The following ZHX3 variants were observed in gnomAD, a reference collection of about 807,000 sequenced individuals.
ZHX3 encodes the protein zinc fingers and homeoboxes 3.
A neutral mutation model predicts 64.5 loss-of-function variants in ZHX3; 20 were observed. That is an observed-to-expected ratio of 0.31 (90% confidence interval 0.22 to 0.45). ZHX3 has a LOEUF of 0.45. Among genes scored for constraint, ZHX3 ranks in the 20% least tolerant of loss-of-function variants. ZHX3 has a pLI of 1.00. For synonymous variants in ZHX3, 423 were observed against 461.6 expected, an observed-to-expected ratio of 0.92 and a Z score of 1.07; for missense variants, 1,041 against 1,195.8, an observed-to-expected ratio of 0.87 and a Z score of 1.91.
At chr20:41,214,151 T>C (rs1456234604) in intron 2 of ZHX3, among the ~76,000 whole-genome samples, 1 of 152,164 alleles carries the variant, frequency 6.6e-6, no homozygotes, top group Non-Finnish European at 1.5e-5. Flanking sequence ...GTACCACTGC[T>C]AACCATGTTC....
chr20:41,239,720 G>A (rs1395015420), intron 2 of ZHX3: 4 of 152,190 alleles, frequency 2.6e-5, no homozygotes, highest in Admixed American at 2.6e-4. Context: ...GAGGGAGGGA[G>A]AAGAGACATT....
chr20:41,313,223 C>T (rs1299682745), intron 1 of ZHX3, among the ~76,000 whole-genome samples: 5 of 152,024 alleles, frequency 3.3e-5, no homozygotes, highest in African/African-American at 9.7e-5. Flanking sequence ...ATACAAATTT[C>T]GAAGCTTGAG....
At chr20:41,305,919 T>C (rs1214099003) in intron 1 of ZHX3, among the ~76,000 whole-genome samples, 1 of 152,206 alleles carries the variant, frequency 6.6e-6, no homozygotes, top group African/African-American at 2.4e-5. Context: ...TACTTTTTAT[T>C]ATAACTATTG....
At chr20:41,192,746 A>G (rs761745415) in intron 3 of ZHX3, among the ~76,000 whole-genome samples, 4 of 152,150 alleles carry the variant, frequency 2.6e-5, no homozygotes, top group Non-Finnish European at 4.4e-5. Flanking sequence ...GTGGGCTTTA[A>G]ATGGCATCTT....
rs577610742 is a variant in ZHX3 at position 41,206,043 on chromosome 20, G to A, written c.-150-977C>T. Among the ~76,000 whole-genome samples, 10 of 152,312 alleles carry A rather than the reference G, an allele frequency of 6.6e-5. 3 individuals carry two copies. The highest frequency in any genetic ancestry group is 2.4e-4 in the African/African-American group (10 of 41,578). On this transcript the variant is annotated intron_variant, in intron 2 of 3. Transcript: ENST00000683867. ...GATACCCAGGCAAACAGGGTCTGGA[G>A]TGGACCTCCAGAAAACTCCAACAGA...
chr20:41,221,995 G>A (rs1319261064), intron 2 of ZHX3, among the ~76,000 whole-genome samples: 1 of 152,244 alleles, frequency 6.6e-6, no homozygotes, highest in Non-Finnish European at 1.5e-5. Flanking sequence ...AATGGGCAGT[G>A]CCAAGAGAGG....
intron 2 of ZHX3, chr20:41,238,663 A>C (rs1385961136): frequency 6.6e-6 from 1 of 152,212 alleles, no homozygotes; most frequent in Non-Finnish European, 1.5e-5. Flanking sequence ...ATATTAATAC[A>C]TATATAGGCA....
chr20:41,306,989 C>T (rs138906582), intron 1 of ZHX3, among the ~76,000 whole-genome samples: 225 of 152,308 alleles, frequency 1.5e-3, no homozygotes, highest in African/African-American at 5.1e-3. Flanking sequence ...GCTAACCTAC[C>T]ATGGCAAGAA....
rs1020670871 is a variant in ZHX3, at chr20:41,265,359, C to T, written c.-151+3631G>A. Among the ~76,000 whole-genome samples the T allele has an allele frequency of 2.6e-4, 40 of 152,054 alleles. 1 individual carries two copies. The highest frequency in any genetic ancestry group is 8.7e-4 in the African/African-American group (36 of 41,412). On this transcript the variant is annotated intron_variant, in intron 2 of 3. Coordinates refer to ENST00000683867, the MANE Select transcript of ZHX3 (RefSeq NM_001384317.1). Reference sequence around the variant, plus strand: ...CTGGGATTACAGGCACCCACCACCACGCCCAGCTAATTTTGTATTTTTAGT... The same window carrying T: ...CTGGGATTACAGGCACCCACCACCATGCCCAGCTAATTTTGTATTTTTAGT...
At position 41,211,005 on chromosome 20, in the gene ZHX3, T is replaced by C. The variant is rs143693850; in HGVS notation, c.-150-5939A>G. Among the ~76,000 whole-genome samples, 677 of 152,286 alleles carry C rather than the reference T, an allele frequency of 4.4e-3. 8 individuals are homozygous for C. The highest frequency in any genetic ancestry group is 0.023 in the East Asian group (117 of 5,190). On this transcript the variant is annotated intron_variant, in intron 2 of 3. Transcript: ENST00000683867. The stretch of plus-strand genomic sequence containing the variant: ...TAGATGTATTGAACTTTTAATAAAA[T>C]AGATTGACTTCACACTTTTAAAATG...
At chr20:41,284,998 C>A (rs1267130310) in intron 1 of ZHX3, among the ~76,000 whole-genome samples, 1 of 152,162 alleles carries the variant, frequency 6.6e-6, no homozygotes, top group Non-Finnish European at 1.5e-5. Context: ...ACTTCGTACA[C>A]TCTTACTGGT....
intron 1 of ZHX3, among the ~76,000 whole-genome samples, chr20:41,275,557 G>C (rs2043338954): frequency 6.6e-6 from 1 of 152,218 alleles, no homozygotes; most frequent in Admixed American, 6.5e-5. Flanking sequence ...GATAGACATA[G>C]GGTGGACTCC....
At chr20:41,193,692 T>TG (rs2037238485) in intron 3 of ZHX3, among the ~76,000 whole-genome samples, 2 of 150,176 alleles carry the variant, frequency 1.3e-5, no homozygotes, top group Admixed American at 1.3e-4. Context: ...AAGTTTTTTT[T>TG]TTGTTGTTGT....
At chr20:41,225,644 C>T (rs113848623) in intron 2 of ZHX3, among the ~76,000 whole-genome samples, 9 of 152,222 alleles carry the variant, frequency 5.9e-5, no homozygotes, top group South Asian at 2.1e-4. Context: ...CCTACCACCA[C>T]GCAGGGCTAA....
At chr20:41,217,304 A>G (rs1600811070) in intron 2 of ZHX3, among the ~76,000 whole-genome samples, 1 of 152,318 alleles carries the variant, frequency 6.6e-6, no homozygotes, top group African/African-American at 2.4e-5. Flanking sequence ...AGGGATGGGT[A>G]GAAATACATG....
chr20:41,259,485 G>C (rs1318813792), intron 2 of ZHX3, among the ~76,000 whole-genome samples: 1 of 152,122 alleles, frequency 6.6e-6, no homozygotes, highest in Non-Finnish European at 1.5e-5. Context: ...TCCACCAACA[G>C]GGAACTGGCT....
At position 41,212,384 on chromosome 20, in the gene ZHX3, T is replaced by C. The variant is rs1182229384; in HGVS notation, c.-150-7318A>G. The stretch of plus-strand genomic sequence containing the variant: ...TGTAATTACAGCGACAGATAACAAG[T>C]ATAGATGAGGATGCAGAGAAACTGG... On this transcript the variant is annotated intron_variant, in intron 2 of 3. Transcript: ENST00000683867. This position sits in a 1 kb window ranked among gnomAD's most constrained non-coding sequence, Gnocchi z 4.3. 6.6e-6 allele frequency among the ~76,000 whole-genome samples: 1 copy of C among 151,884 alleles called. No homozygotes were observed. The highest frequency in any genetic ancestry group is 1.5e-5 in the Non-Finnish European group (1 of 67,972).
chr20:41,225,180 A>G (rs1324516781), intron 2 of ZHX3, among the ~76,000 whole-genome samples: 5 of 152,242 alleles, frequency 3.3e-5, no homozygotes, highest in Non-Finnish European at 7.3e-5. Flanking sequence ...CCATTTCCTC[A>G]TTGGTAAAAT....
chr20:41,277,239 C>T (rs759508540), intron 1 of ZHX3, among the ~76,000 whole-genome samples: 76 of 152,254 alleles, frequency 5.0e-4, no homozygotes, highest in Middle Eastern at 3.4e-3. Flanking sequence ...TGAAGCAGGA[C>T]GACTGCTAGA....
Sources: gnomAD v4.1 joint callset for allele counts (sites outside exome capture counted in the v4.1 genomes callset) on GRCh38, gnomAD v4.1.1 for gene constraint, Gnocchi (gnomAD v3.1) non-coding constraint, MANE v1.5 for transcripts, NCBI Gene and HGNC (gene_info 2026-07-23, HGNC 2026-07-21) for gene names.